The following DNAH17 variants were observed in gnomAD, a reference collection of about 807,000 sequenced individuals.
DNAH17 encodes the protein axonemal beta dynein heavy chain 17.
A neutral mutation model predicts 485.6 loss-of-function variants in DNAH17; 376 were observed. That is an observed-to-expected ratio of 0.77 (90% CI 0.71 to 0.84). DNAH17 has a LOEUF of 0.84. Ranked by LOEUF, DNAH17 falls within the 40% of genes least tolerant of loss-of-function variation. DNAH17 has a pLI of 0.00. For missense variants in DNAH17, 6,370 were observed against 5,839.3 expected, an observed-to-expected ratio of 1.09 and a Z score of -2.96; for synonymous variants, 3,031 against 2,405.9, an observed-to-expected ratio of 1.26 and a Z score of -7.60.
Position 78,507,746 on chromosome 17 carries a change from C to T in DNAH17, c.4296G>A (p.Pro1432=), listed in dbSNP as rs185987859. 150 of 1,600,942 alleles carry T rather than the reference C, an allele frequency of 9.4e-5. No individual in the cohort carries two copies. In the East Asian group the frequency reaches 1.3e-3, roughly 14 times the overall value. Residue 1432 remains proline (P), a synonymous_variant, in exon 28 of 81, where the codon CCG becomes CCA. Transcript: ENST00000389840. ...SMMEFQHEPH[P]RTGTMMLKSS... The stretch of plus-strand genomic sequence containing the variant: ...ACTTGAGCATCATGGTGCCTGTCCG[C>T]GGGTGCGGCTCGTGCTGGAATTCCA...
At position 78,425,756 on chromosome 17, in the gene DNAH17, C is replaced by CTTTTTTT. The variant is rs71160294; in HGVS notation, c.12916-192_12916-186dup. Reference sequence around the variant, plus strand: ...TACCATGACGCAACTTTGGTGTCTGCTTTTTTTTTTTTTTTTTTTTTTTTT... The same window carrying CTTTTTTT: ...TACCATGACGCAACTTTGGTGTCTGCTTTTTTTTTTTTTTTTTTTTTTTTTTTTTTTT... On this transcript the variant is annotated intron_variant, in intron 79 of 80. Transcript: ENST00000389840. Among the ~76,000 whole-genome samples the CTTTTTTT allele has an allele frequency of 1.4e-3, 167 of 120,660 alleles. 12 individuals are homozygous for CTTTTTTT. Among genetic ancestry groups the CTTTTTTT allele is most frequent in the African/African-American group, 4.1e-3 (108 of 26,198 alleles). 79.2% of individuals were successfully genotyped at this position (120,660 alleles called of 152,430 possible).
intron 56 of DNAH17, among the ~76,000 whole-genome samples, chr17:78,464,878 T>C (rs976152543): frequency 2.0e-5 from 3 of 152,284 alleles, no homozygotes; most frequent in Non-Finnish European, 1.5e-5. Context: ...ACAATTCTGA[T>C]GATTTGTTCA....
chr17:78,501,155 C>T (rs1196436565), intron 35 of DNAH17, 29 bp downstream of exon 35: 1 of 1,555,606 alleles, frequency 6.4e-7, no homozygotes, highest in Non-Finnish European at 8.8e-7. Flanking sequence ...ACCAAGAGCA[C>T]ATGTGAGTTA....
chr17:78,496,404 C>T (rs527659581), intron 37 of DNAH17, among the ~76,000 whole-genome samples: 30 of 150,918 alleles, frequency 2.0e-4, no homozygotes, highest in Admixed American at 1.6e-3. Context: ...TACTCTCTGC[C>T]CCATGTAGCC....
In DNAH17 at chr17:78,428,594, G is replaced by A. The variant is rs2086563739; in HGVS notation, c.12519C>T (p.Arg4173=). 5 of 1,613,948 alleles carry A rather than the reference G, an allele frequency of 3.1e-6. No homozygotes were observed. Among genetic ancestry groups the A allele is most frequent in the Non-Finnish European group, 4.2e-6 (5 of 1,179,898 alleles). Residue 4173 remains arginine (R), a synonymous_variant, in exon 77 of 81, where the codon CGC becomes CGT. Transcript: ENST00000389840. ...CTTTTGGCTGCATTTCCAGGACAGT[G>A]CGGAACAGCTTCTCTGAGGTGACCG... ...FLTVTSEKLF[R]TVLEMQPKET...
chr17:78,486,020 C>CT lies in DNAH17; in HGVS notation c.7214dup (p.Phe2406ValfsTer7), dbSNP rs758762236. ...GCACTTTATCTGTCCAGGGCAGGAACTTTTTTGTGTCAGGATCAATGTAGT... is the reference window on the plus strand; with the variant it reads ...GCACTTTATCTGTCCAGGGCAGGAACTTTTTTTGTGTCAGGATCAATGTAGT... On this transcript the variant is annotated frameshift_variant, in exon 46 of 81. Transcript: ENST00000389840. LOFTEE classifies it high-confidence loss of function. 6.8e-6 allele frequency: 11 copies of CT among 1,613,940 alleles called. No individual in the cohort carries two copies. The highest frequency in any genetic ancestry group is 9.3e-6 in the Non-Finnish European group (11 of 1,179,880).
chr17:78,532,821 G>C, intron 19 of DNAH17, 85 bp from the exon 20 acceptor site: 3 of 1,417,230 alleles, frequency 2.1e-6, no homozygotes, highest in South Asian at 1.5e-5. Flanking sequence ...CTTGAGAAGT[G>C]GTTCTCTGTT....
intron 69 of DNAH17, among the ~76,000 whole-genome samples, chr17:78,448,826 C>A (rs2087425123): frequency 6.6e-6 from 1 of 152,160 alleles, no homozygotes; most frequent in African/African-American, 2.4e-5. Flanking sequence ...GATGACACAG[C>A]AAGAAGGCCC....
chr17:78,475,386 C>A lies in DNAH17; in HGVS notation c.8403G>T (p.Gly2801=), dbSNP rs769266562. Residue 2801 remains glycine, a synonymous_variant, in exon 54 of 81, where the codon GGG becomes GGT. Transcript: ENST00000389840. The part of the protein sequence containing the change: ...ESPRGNALLV[G]VGGSGKQSLS... ...GGCTCTGTTTGCCACTGCCGCCCAC[C>A]CCCACCAGCAGGGCATTCCCCCGGG... is the stretch of plus-strand genomic sequence containing the variant. 31 of 1,613,852 alleles carry A rather than the reference C, an allele frequency of 1.9e-5. No individual in the cohort carries two copies. Among genetic ancestry groups the A allele is most frequent in the Admixed American group, 8.3e-5 (5 of 59,998 alleles).
chr17:78,532,951 C>T lies in DNAH17; in HGVS notation c.2860-215G>A. The T allele has an allele frequency of 2.1e-5, 11 of 528,148 alleles. No individual in the cohort carries two copies. The South Asian group carries it at 2.3e-4, about 11-fold the overall frequency. 32.7% of individuals were successfully genotyped at this position (528,148 alleles called of 1,614,324 possible). ...GGGAGGTCACCATACTGATGCCAAA[C>T]TTAGTGGATAGCACACTACAGCCCA... is the stretch of plus-strand genomic sequence containing the variant. On this transcript the variant is annotated intron_variant, in intron 19 of 80. Transcript: ENST00000389840.
intron 12 of DNAH17, 58 bp downstream of exon 12, chr17:78,561,657 C>CT: frequency 6.6e-7 from 1 of 1,525,016 alleles, no homozygotes; most frequent in Non-Finnish European, 8.8e-7. Context: ...GACAGTCCCT[C>CT]TCGCTCTCCC....
intron 68 of DNAH17, 100 bp downstream of exon 68, chr17:78,450,154 C>T (rs1369145779): frequency 1.4e-6 from 2 of 1,444,834 alleles, no homozygotes; most frequent in Non-Finnish European, 9.5e-7. Context: ...GAGGGTGGCC[C>T]TGGCACTGCC....
chr17:78,544,062 T>C (rs2143484984), intron 16 of DNAH17, 65 bp from the exon 17 acceptor site: 4 of 1,605,910 alleles, frequency 2.5e-6, no homozygotes, highest in Middle Eastern at 2.0e-4. Context: ...CGCAGTCCTT[T>C]GCTGTGTGCT....
At chr17:78,555,654 C>T (rs941266123) in intron 14 of DNAH17, among the ~76,000 whole-genome samples, 1 of 151,458 alleles carries the variant, frequency 6.6e-6, no homozygotes, top group Admixed American at 6.6e-5. Context: ...ATAATGTGGC[C>T]GCGAGGGTTA....
Position 78,561,032 on chromosome 17 carries a change from C to A in DNAH17, c.1836-97G>T, listed in dbSNP as rs560303212. 6.8e-4 allele frequency: 803 copies of A among 1,181,892 alleles called. 2 individuals are homozygous for A. Among genetic ancestry groups the A allele is most frequent in the Admixed American group, 1.5e-3 (67 of 43,610 alleles). The allele number at this position is 1,181,892 out of a possible 1,614,324, so 73.2% of individuals were successfully genotyped here. A position where few individuals can be genotyped will look rare whatever the true frequency, so the allele number is the denominator to read the frequency against. The stretch of plus-strand genomic sequence containing the variant: ...TGCTGCCCGATCTGGGGTGCCGAAG[C>A]GGCCGGCCACCCAATTACTCGAGGC... On this transcript the variant is annotated intron_variant, in intron 12 of 80. Coordinates refer to ENST00000389840, the MANE Select transcript of DNAH17 (RefSeq NM_173628.4).
rs779259373 is a variant in DNAH17, at chr17:78,444,737, G to A, written c.11395C>T (p.Arg3799Cys). The change falls in exon 71 of 81, where the codon CGC becomes TGC. Residue 3799 changes from arginine to cysteine, a missense_variant. Transcript: ENST00000389840. ...LDSDIEGSAK[R>C]WKKLVESEAP... is the part of the protein sequence containing the mutation. ...TCCGACTCCACCAGCTTTTTCCAGCGCTTGGCAGATCCTTCGATGTCACTG... is the reference window on the plus strand; with the variant it reads ...TCCGACTCCACCAGCTTTTTCCAGCACTTGGCAGATCCTTCGATGTCACTG... 7 of 1,604,470 alleles carry A rather than the reference G, an allele frequency of 4.4e-6. 1 individual carries two copies. The highest frequency in any genetic ancestry group is 2.2e-5 in the East Asian group (1 of 44,778).
intron 17 of DNAH17, 24 bp from the exon 18 acceptor site, chr17:78,539,904 G>A: frequency 6.5e-7 from 1 of 1,543,314 alleles, no homozygotes; most frequent in Non-Finnish European, 8.7e-7. Flanking sequence ...CGCACAGTTG[G>A]GCCTCACTTC....
rs576858826 is a variant in DNAH17, at chr17:78,464,109, T to C, written c.8941-1032A>G. ...CTGTCCTACTTAATAACTGGATATG[T>C]GTTCAAAAGAAACAAGAGATGGTAA... On this transcript the variant is annotated intron_variant, in intron 56 of 80. Transcript: ENST00000389840. Among the ~76,000 whole-genome samples, 189 of 152,308 alleles carry C rather than the reference T, an allele frequency of 1.2e-3. 2 individuals carry two copies. The highest frequency in any genetic ancestry group is 4.3e-3 in the African/African-American group (180 of 41,572).
rs1303735927 is a variant in DNAH17, at chr17:78,560,984, G to C, written c.1836-49C>G. The C allele has an allele frequency of 3.3e-6, 5 of 1,507,812 alleles. No individual in the cohort carries two copies. In the African/African-American group the frequency reaches 6.9e-5, roughly 21 times the overall value. The allele number at this position is 1,507,812 out of a possible 1,614,324, so 93.4% of individuals were successfully genotyped here. ...GGCCCCACTGGATATCTCCTGTGGGGTGTCTTCGGCACGTCCCATCGTTGC... is the reference window on the plus strand; with the variant it reads ...GGCCCCACTGGATATCTCCTGTGGGCTGTCTTCGGCACGTCCCATCGTTGC... On this transcript the variant is annotated intron_variant, in intron 12 of 80. Transcript: ENST00000389840.
Sources: gnomAD v4.1 joint callset for allele counts (sites outside exome capture counted in the v4.1 genomes callset) on GRCh38, gnomAD v4.1.1 for gene constraint, MANE v1.5 for transcripts, NCBI Gene and HGNC (gene_info 2026-07-23, HGNC 2026-07-21) for gene names.